Variants in GRM5 observed in about 807,000 individuals in gnomAD.
The protein encoded by GRM5 is glutamate metabotropic receptor 5.
In GRM5, 19 loss-of-function variants were observed where a neutral mutation model predicts 83.1. That is an observed-to-expected ratio of 0.23 (90% CI 0.16 to 0.34). GRM5 has a LOEUF of 0.34. Among genes scored for constraint, GRM5 ranks in the 10% least tolerant of loss-of-function variants. GRM5 has a pLI of 1.00. For synonymous variants in GRM5, 675 were observed against 633.6 expected (o/e 1.07, Z -0.98); for missense variants, 1,160 against 1,588.3 (o/e 0.73, Z 4.58).
chr11:88,597,844 T>C (rs1466647839), intron 5 of GRM5, among the ~76,000 whole-genome samples: 1 of 152,082 alleles, frequency 6.6e-6, no homozygotes, highest in Admixed American at 6.5e-5. Context: ...CTAAATTCAT[T>C]GTACAAAGAT....
intron 3 of GRM5, among the ~76,000 whole-genome samples, chr11:88,731,732 G>C: frequency 6.6e-6 from 1 of 151,854 alleles, no homozygotes; most frequent in South Asian, 2.1e-4. Context: ...AAAGATCAAG[G>C]TAAACCAGTA....
At chr11:88,833,366 A>T (rs542717649) in intron 3 of GRM5, among the ~76,000 whole-genome samples, 12 of 152,270 alleles carry the variant, frequency 7.9e-5, no homozygotes, top group African/African-American at 2.9e-4. Context: ...TAAATGGCCG[A>T]CAGGTACATG....
intron 2 of GRM5, among the ~76,000 whole-genome samples, chr11:89,033,715 A>G (rs1323785987): frequency 1.3e-5 from 2 of 151,926 alleles, no homozygotes; most frequent in African/African-American, 4.8e-5. Context: ...CCAGCCAAAC[A>G]TACTCAAATT....
At chr11:88,746,541 A>T (rs1044732583) in intron 3 of GRM5, among the ~76,000 whole-genome samples, 2 of 148,344 alleles carry the variant, frequency 1.3e-5, no homozygotes, top group South Asian at 4.4e-4. Flanking sequence ...CAGAAATGGG[A>T]TTCAATTTGG....
At chr11:88,990,034 A>G (rs1246579209) in intron 2 of GRM5, among the ~76,000 whole-genome samples, 3 of 151,848 alleles carry the variant, frequency 2.0e-5, no homozygotes, top group Non-Finnish European at 4.4e-5. Context: ...AAGGAAGTAG[A>G]GACACAAAAA....
At chr11:88,966,309 G>C (rs567126477) in intron 2 of GRM5, among the ~76,000 whole-genome samples, 1 of 152,096 alleles carries the variant, frequency 6.6e-6, no homozygotes, top group South Asian at 2.1e-4. Flanking sequence ...TCAAGTTCTA[G>C]CTTAACAAAT....
chr11:88,685,472 A>T (rs1322768996), intron 3 of GRM5, among the ~76,000 whole-genome samples: 1 of 152,242 alleles, frequency 6.6e-6, no homozygotes, highest in Non-Finnish European at 1.5e-5. Context: ...CCATTTTCTA[A>T]AGAGAAATTC....
At chr11:88,964,229 T>G (rs1938875634) in intron 2 of GRM5, among the ~76,000 whole-genome samples, 6 of 152,138 alleles carry the variant, frequency 3.9e-5, no homozygotes. Context: ...AAATTGTTAG[T>G]GAGACATTGG....
At chr11:89,012,881 A>C (rs948568350) in intron 2 of GRM5, among the ~76,000 whole-genome samples, 1 of 152,226 alleles carries the variant, frequency 6.6e-6, no homozygotes, top group African/African-American at 2.4e-5. Flanking sequence ...ATCTATTATT[A>C]GCTATAGCAC....
chr11:88,828,263 T>C (rs1228999954), intron 3 of GRM5, among the ~76,000 whole-genome samples: 2 of 152,170 alleles, frequency 1.3e-5, no homozygotes, highest in East Asian at 1.9e-4. Flanking sequence ...GTAAATTAGA[T>C]GGATTGTTAG....
At chr11:88,585,208 G>T (rs1943288567) in intron 7 of GRM5, among the ~76,000 whole-genome samples, 1 of 152,138 alleles carries the variant, frequency 6.6e-6, no homozygotes, top group South Asian at 2.1e-4. Flanking sequence ...CGAACAGCCA[G>T]GTTTAACTGC....
At chr11:88,566,328 C>G (rs943704628) in intron 8 of GRM5, among the ~76,000 whole-genome samples, 1 of 152,158 alleles carries the variant, frequency 6.6e-6, no homozygotes, top group Admixed American at 6.5e-5. Flanking sequence ...TGGGGGAAAT[C>G]ATTGGCTTCT....
intron 3 of GRM5, among the ~76,000 whole-genome samples, chr11:88,799,291 A>C (rs1418396562): frequency 6.6e-6 from 1 of 152,122 alleles, no homozygotes; most frequent in African/African-American, 2.4e-5. Context: ...AAACACATTA[A>C]AAATGAAGAT....
chr11:88,802,137 G>A lies in GRM5; in HGVS notation c.911+47769C>T, dbSNP rs530052587. 9.2e-5 allele frequency among the ~76,000 whole-genome samples: 14 copies of A among 152,132 alleles called. No individual in the cohort carries two copies. The South Asian group carries it at 1.5e-3, about 16-fold the overall frequency. On this transcript the variant is annotated intron_variant, in intron 3 of 9. Transcript: ENST00000305447. Reference sequence around the variant, plus strand: ...TTTCAAATCTTGCAGTGACAGTGATGAGAGCTCATGGATCAACATTAAAGA... The same window carrying A: ...TTTCAAATCTTGCAGTGACAGTGATAAGAGCTCATGGATCAACATTAAAGA...
intron 3 of GRM5, among the ~76,000 whole-genome samples, chr11:88,798,805 CAA>C (rs4002396): frequency 1.8e-5 from 1 of 55,384 alleles, no homozygotes; most frequent in Non-Finnish European, 3.2e-5. Flanking sequence ...ATGAAAACAC[CAA>C]AAAAAAAAAA....
intron 2 of GRM5, among the ~76,000 whole-genome samples, chr11:89,017,933 T>C (rs1382813605): frequency 6.6e-6 from 1 of 152,080 alleles, no homozygotes; most frequent in Non-Finnish European, 1.5e-5. Flanking sequence ...TCTTACCACC[T>C]CTTTCTCCAG....
At chr11:89,064,941 G>GAGAGAGAGAGAGAGAGA (rs56894219) in intron 1 of GRM5, among the ~76,000 whole-genome samples, 13 of 37,030 alleles carry the variant, frequency 3.5e-4, no homozygotes, top group Admixed American at 1.6e-3. Context: ...AGAGAGAGAG[G>GAGAGAGAGAGAGAGAGA]GAGAGAGAGA....
chr11:88,816,086 G>T (rs1277402091), intron 3 of GRM5, among the ~76,000 whole-genome samples: 1 of 147,442 alleles, frequency 6.8e-6, no homozygotes, highest in Non-Finnish European at 1.5e-5. Flanking sequence ...GATGGCGGGC[G>T]CCTGTAGTCC....
intron 8 of GRM5, among the ~76,000 whole-genome samples, chr11:88,532,708 G>C (rs1942041834): frequency 6.6e-6 from 1 of 152,094 alleles, no homozygotes; most frequent in Non-Finnish European, 1.5e-5. Context: ...TATTTGTTTT[G>C]TTTTTAATAA....
Sources: allele counts gnomAD v4.1 joint callset (sites outside exome capture counted in the v4.1 genomes callset), GRCh38; gene constraint gnomAD v4.1.1; transcripts MANE v1.5; gene names NCBI Gene and HGNC (gene_info 2026-07-23, HGNC 2026-07-21).